MYO3B: variants seen among roughly 807,000 people sequenced by gnomAD.
The protein encoded by MYO3B is myosin-IIIb.
In MYO3B, 156 loss-of-function variants were observed where a neutral mutation model predicts 174.6. The ratio of observed to expected loss-of-function variants is 0.89; its 90% CI spans 0.78 to 1.02. The LOEUF (loss-of-function observed/expected upper bound fraction) is 1.02. Ranked by LOEUF, MYO3B falls within the 50% of genes least tolerant of loss-of-function variation. The pLI is 0.00. For missense variants in MYO3B, 1,632 were observed against 1,639.4 expected (o/e 1.00, Z 0.08); for synonymous variants, 563 against 569.1 (o/e 0.99, Z 0.15).
At chr2:170,641,633 C>A (rs1575323034) in intron 32 of MYO3B, among the ~76,000 whole-genome samples, 1 of 151,990 alleles carries the variant, frequency 6.6e-6, no homozygotes, top group African/African-American at 2.4e-5. Flanking sequence ...AGAAGTGATA[C>A]CATTTAAGCT....
chr2:170,572,779 A>G (rs1041200749), intron 32 of MYO3B, among the ~76,000 whole-genome samples: 1 of 152,202 alleles, frequency 6.6e-6, no homozygotes, highest in South Asian at 2.1e-4. Context: ...ATAAATATCT[A>G]CAAATATGTT....
At chr2:170,380,985 ATAGTGCATACTTC>A (rs1190228457) in intron 9 of MYO3B, among the ~76,000 whole-genome samples, 1 of 152,180 alleles carries the variant, frequency 6.6e-6, no homozygotes, top group Admixed American at 6.5e-5. Context: ...GCCAGGCACA[ATAGTGCATACTTC>A]TAGTACCAGC....
At chr2:170,518,156 G>A (rs377305438) in intron 29 of MYO3B, among the ~76,000 whole-genome samples, 172 of 152,236 alleles carry the variant, frequency 1.1e-3, no homozygotes, top group African/African-American at 3.9e-3. Flanking sequence ...TATTTATGCT[G>A]AGGAACCAAA....
intron 22 of MYO3B, among the ~76,000 whole-genome samples, chr2:170,429,688 C>A (rs1023288026): frequency 1.3e-5 from 2 of 152,184 alleles, no homozygotes; most frequent in African/African-American, 2.4e-5. Flanking sequence ...ATCTGTCTTG[C>A]GCATGTCTTT....
At chr2:170,336,538 G>T (rs545058729) in intron 8 of MYO3B, among the ~76,000 whole-genome samples, 26 of 152,120 alleles carry the variant, frequency 1.7e-4, no homozygotes, top group Non-Finnish European at 3.2e-4. Context: ...TCATTTAGCA[G>T]CAAAACCTAA....
chr2:170,396,267 A>T (rs917294561), intron 16 of MYO3B, among the ~76,000 whole-genome samples: 2 of 152,250 alleles, frequency 1.3e-5, no homozygotes, highest in African/African-American at 4.8e-5. Flanking sequence ...AAGGTAAAGA[A>T]GGTGAAAAAA....
intron 7 of MYO3B, among the ~76,000 whole-genome samples, chr2:170,304,468 C>CTTT (rs34449441): frequency 1.5e-5 from 2 of 131,828 alleles, no homozygotes; most frequent in Non-Finnish European, 3.3e-5. Flanking sequence ...TTTTCTTTTT[C>CTTT]TTTTTTTTTT....
chr2:170,509,627 T>C (rs1255856336), intron 28 of MYO3B, among the ~76,000 whole-genome samples: 1 of 152,220 alleles, frequency 6.6e-6, no homozygotes, highest in Non-Finnish European at 1.5e-5. Context: ...TTTGTGTATA[T>C]AAAATTTTCA....
intron 7 of MYO3B, among the ~76,000 whole-genome samples, chr2:170,269,750 C>G (rs1183612079): frequency 6.6e-6 from 1 of 152,118 alleles, no homozygotes. Flanking sequence ...TAAAATGCAT[C>G]TGTTAAAAAG....
At chr2:170,336,650 C>A (rs533180040) in intron 8 of MYO3B, among the ~76,000 whole-genome samples, 1 of 152,246 alleles carries the variant, frequency 6.6e-6, no homozygotes, top group African/African-American at 2.4e-5. Flanking sequence ...TGTTTGGCAG[C>A]AGATATATTT....
chr2:170,478,522 T>TACACACAC lies in MYO3B; in HGVS notation c.3014+11843_3014+11850dup, dbSNP rs60349340. Among the ~76,000 whole-genome samples the TACACACAC allele has an allele frequency of 9.0e-3, 1,139 of 126,098 alleles. 9 individuals carry two copies. The highest frequency in any genetic ancestry group is 0.012 in the Non-Finnish European group (722 of 62,642). 82.7% of individuals were successfully genotyped at this position (126,098 alleles called of 152,430 possible). On this transcript the variant is annotated intron_variant, in intron 25 of 34. Coordinates refer to ENST00000408978, the MANE Select transcript of MYO3B (RefSeq NM_138995.5). ...GGAGAAGGTGTGTGGGGTGTTATTG[T>TACACACAC]ACACACACACACACACACACACACA...
At chr2:170,327,213 T>C (rs556539447) in intron 7 of MYO3B, among the ~76,000 whole-genome samples, 8 of 152,262 alleles carry the variant, frequency 5.3e-5, no homozygotes, top group South Asian at 4.2e-4. Context: ...GGTAAAACCC[T>C]GTCTCTACTA....
chr2:170,342,690 T>C (rs1458961590), intron 8 of MYO3B, among the ~76,000 whole-genome samples: 1 of 152,196 alleles, frequency 6.6e-6, no homozygotes, highest in Non-Finnish European at 1.5e-5. Flanking sequence ...GGCACTGTTC[T>C]CTACATGTTG....
intron 25 of MYO3B, among the ~76,000 whole-genome samples, chr2:170,491,646 C>G (rs924680353): frequency 6.6e-6 from 1 of 152,218 alleles, no homozygotes; most frequent in Non-Finnish European, 1.5e-5. Context: ...AGGACGGTCT[C>G]AATCTCCTGA....
intron 32 of MYO3B, among the ~76,000 whole-genome samples, chr2:170,593,645 G>A (rs1693960106): frequency 6.6e-6 from 1 of 152,200 alleles, no homozygotes. Context: ...GTCCTAAGAT[G>A]TTGTTATTAT....
chr2:170,398,229 A>G (rs1289504554), intron 16 of MYO3B, among the ~76,000 whole-genome samples: 3 of 36,206 alleles, frequency 8.3e-5, no homozygotes, highest in Non-Finnish European at 2.4e-4. Flanking sequence ...GTCTCAAAAG[A>G]AAAAAAAAAA....
At chr2:170,455,847 A>G (rs1351094772) in intron 23 of MYO3B, among the ~76,000 whole-genome samples, 1 of 152,206 alleles carries the variant, frequency 6.6e-6, no homozygotes, top group Non-Finnish European at 1.5e-5. Flanking sequence ...GCTCCAACTG[A>G]CTTACATTGT....
intron 32 of MYO3B, among the ~76,000 whole-genome samples, chr2:170,624,900 A>T (rs1275479925): frequency 6.6e-6 from 1 of 152,222 alleles, no homozygotes; most frequent in Admixed American, 6.5e-5. Flanking sequence ...CCAGCCTTGC[A>T]TCCCAGGAAT....
chr2:170,290,719 G>A (rs2093589999), intron 7 of MYO3B, among the ~76,000 whole-genome samples: 1 of 151,962 alleles, frequency 6.6e-6, no homozygotes, highest in Non-Finnish European at 1.5e-5. Context: ...TTGCCATTTT[G>A]TTGCCTGTTT....
Sources: allele counts gnomAD v4.1 joint callset (sites outside exome capture counted in the v4.1 genomes callset), GRCh38; gene constraint gnomAD v4.1.1; transcripts MANE v1.5; gene names NCBI Gene and HGNC (gene_info 2026-07-23, HGNC 2026-07-21).